The following C6orf132 variants were observed in gnomAD, a reference collection of about 807,000 sequenced individuals.
C6orf132 encodes uncharacterized protein C6orf132.
In C6orf132, 43 loss-of-function variants were observed where a neutral mutation model predicts 65.3. The ratio of observed to expected loss-of-function variants is 0.66; its 90% CI spans 0.52 to 0.85. The LOEUF is 0.85. C6orf132 is among the 40% of genes least tolerant of loss of function. C6orf132 has a pLI of 0.00. For missense variants in C6orf132, 1,488 were observed against 1,548.8 expected (o/e 0.96, Z 0.66); for synonymous variants, 631 against 654.1 (o/e 0.96, Z 0.54).
chr6:42,140,444 G>T (rs1054448395), intron 1 of C6orf132, among the ~76,000 whole-genome samples: 1 of 152,214 alleles, frequency 6.6e-6, no homozygotes. Flanking sequence ...TGCCCCTCAA[G>T]TAAACTTGGA....
intron 2 of C6orf132, among the ~76,000 whole-genome samples, chr6:42,128,063 T>A (rs1051905498): frequency 3.3e-5 from 5 of 151,468 alleles, no homozygotes; most frequent in Admixed American, 6.6e-5. Context: ...TAGCTGGGAC[T>A]ACAGGTGCTT....
chr6:42,112,971 T>C (rs4128271), intron 2 of C6orf132, among the ~76,000 whole-genome samples: 14,346 of 151,748 alleles, frequency 0.095, 887 homozygotes, highest in Middle Eastern at 0.19. Flanking sequence ...CCTTGAGCCA[T>C]CAACTTGTCT....
chr6:42,137,724 C>T (rs1048331985), intron 1 of C6orf132, among the ~76,000 whole-genome samples: 1 of 151,832 alleles, frequency 6.6e-6, no homozygotes, highest in African/African-American at 2.4e-5. Flanking sequence ...CAAAACAATT[C>T]CCCTGGAGCT....
rs149108130 is a variant in C6orf132, at chr6:42,125,458, C to T, written c.252+3214G>A. ...GCATACGGTGGCCACGATCACAGGC[C>T]GTGCCACTGGATGGGGTTGGCAAGT... On this transcript the variant is annotated intron_variant, in intron 2 of 4. Coordinates refer to ENST00000341865, the MANE Select transcript of C6orf132 (RefSeq NM_001164446.3). Among the ~76,000 whole-genome samples, 466 of 152,254 alleles carry T rather than the reference C, an allele frequency of 3.1e-3. 2 individuals carry two copies. The highest frequency in any genetic ancestry group is 0.01 in the African/African-American group (428 of 41,546).
chr6:42,120,422 A>G (rs998758788), intron 2 of C6orf132, among the ~76,000 whole-genome samples: 3 of 151,506 alleles, frequency 2.0e-5, no homozygotes, highest in Admixed American at 6.6e-5. Context: ...AATTTTTTGT[A>G]TTTTTAGTAG....
At position 42,107,013 on chromosome 6, in the gene C6orf132, C is replaced by T. The variant is rs186000416; in HGVS notation, c.899G>A (p.Arg300His). Residue 300 changes from arginine to histidine, a missense_variant, in exon 4 of 5, where the codon CGT (arginine) becomes CAT (histidine). Transcript: ENST00000341865. ...GGTTGGGGGAGGCACTTTGAAAGAA[C>T]GGGGGAAGGTGAGATGGGGCTCTGG... Reference protein sequence around the residue: ...PNPEPHLTFPRSFKVPPPTPV... With the variant: ...PNPEPHLTFPHSFKVPPPTPV... 3.1e-4 allele frequency: 474 copies of T among 1,528,558 alleles called. 1 individual carries two copies. In the African/African-American group the frequency reaches 4.8e-3, roughly 16 times the overall value. The allele number at this position is 1,528,558 out of a possible 1,614,324, so 94.7% of individuals were successfully genotyped here. A position where few individuals can be genotyped will look rare whatever the true frequency, so the allele number is the denominator to read the frequency against.
At chr6:42,129,634 G>A (rs1296086838) in intron 1 of C6orf132, among the ~76,000 whole-genome samples, 2 of 152,134 alleles carry the variant, frequency 1.3e-5, no homozygotes, top group Non-Finnish European at 2.9e-5. Context: ...GATGTGAGGG[G>A]CTACTCACAT....
In C6orf132 at chr6:42,119,506, G is replaced by A. The variant is rs1238768367; in HGVS notation, c.252+9166C>T. On this transcript the variant is annotated intron_variant, in intron 2 of 4. Transcript: ENST00000341865. Reference sequence around the variant, plus strand: ...ACCACAGGCGCGTACCACCACACCTGGCTCATTTTTTTGTATTTTAAATAC... The same window carrying A: ...ACCACAGGCGCGTACCACCACACCTAGCTCATTTTTTTGTATTTTAAATAC... Among the ~76,000 whole-genome samples, 5 of 151,322 alleles carry A rather than the reference G, an allele frequency of 3.3e-5. No homozygotes were observed. In the East Asian group the frequency reaches 1.0e-3, roughly 31 times the overall value.
chr6:42,120,626 G>T (rs902975640), intron 2 of C6orf132, among the ~76,000 whole-genome samples: 44 of 148,436 alleles, frequency 3.0e-4, no homozygotes, highest in Non-Finnish European at 4.9e-4. Context: ...GTTTTTTGGG[G>T]TTTTTTGTTT....
rs1212637682 is a variant in C6orf132 at position 42,104,881 on chromosome 6, A to G, written c.3031T>C (p.Ser1011Pro). ...PALQYLGRQS[S>P]PPRNNYSDLR... ...TCTGAGTAGTTGTTCCGGGGAGGGG[A>G]GCTCTGGCGGCCCAGATACTGGAGG... Residue 1011 changes from serine (S) to proline (P), a missense_variant, in exon 4 of 5, where the codon TCC becomes CCC. Physicochemically the swap from Ser to Pro is moderately conservative, Grantham distance 74. Transcript: ENST00000341865. The surrounding 1 kb of genome is among the most constrained non-coding windows in gnomAD (Gnocchi z 4.1). 2 of 1,447,634 alleles carry G rather than the reference A, an allele frequency of 1.4e-6. No individual in the cohort carries two copies. Among genetic ancestry groups the G allele is most frequent in the African/African-American group, 1.4e-5 (1 of 69,884 alleles). 89.7% of individuals were successfully genotyped at this position (1,447,634 alleles called of 1,614,324 possible).
Position 42,110,258 on chromosome 6 carries a change from T to G in C6orf132, c.286A>C (p.Thr96Pro). The change falls in exon 3 of 5, where the codon ACC (threonine) becomes CCC (proline). Residue 96 changes from threonine (T) to proline (P), a missense_variant. Transcript: ENST00000341865. ...GCAAAATCATCTGGAACCGAGGGGG[T>G]GGGCACAGCCAGCCCATGGTTTTCC... Reference protein sequence around the residue: ...AQENHGLAVPTPSVPDDFADK... With the variant: ...AQENHGLAVPPPSVPDDFADK... The G allele has an allele frequency of 6.5e-7, 1 of 1,547,840 alleles. No homozygotes were observed. The highest frequency in any genetic ancestry group is 8.7e-7 in the Non-Finnish European group (1 of 1,145,590).
intron 2 of C6orf132, among the ~76,000 whole-genome samples, chr6:42,127,186 C>T (rs1217601867): frequency 2.0e-5 from 3 of 152,152 alleles, no homozygotes; most frequent in Non-Finnish European, 2.9e-5. Flanking sequence ...AACTCCTGGC[C>T]TCAAGTGATC....
rs1207509767 is a variant in C6orf132 at position 42,128,731 on chromosome 6, C to G, written c.193G>C (p.Gly65Arg). The G allele has an allele frequency of 6.4e-7, 1 of 1,551,482 alleles. No homozygotes were observed. The highest frequency in any genetic ancestry group is 8.7e-7 in the Non-Finnish European group (1 of 1,146,990). The change falls in exon 2 of 5, where the codon GGA becomes CGA. Residue 65 changes from glycine to arginine, a missense_variant. Gly to Arg is a moderately radical substitution (Grantham distance 125). Transcript: ENST00000341865. ...GGCCGAGCTTTCAGCGTGGCTGTTC[C>G]TGACTCGCTCACTGTGTTAAACCGA... ...DNRFNTVSES[G>R]TATLKARPRV...
At position 42,103,049 on chromosome 6, in the gene C6orf132, G is replaced by A. The variant is rs900029574; in HGVS notation, c.*712C>T. The A allele has an allele frequency of 5.0e-6, 2 of 398,540 alleles. No individual in the cohort carries two copies. The highest frequency in any genetic ancestry group is 4.1e-5 in the African/African-American group (2 of 48,606). The allele number at this position is 398,540 out of a possible 1,614,324, so 24.7% of individuals were successfully genotyped here. On this transcript the variant is annotated 3_prime_UTR_variant, in exon 5 of 5. Transcript: ENST00000341865. ...AAGTGTCCTCTCTCTAGGCCTCCCT[G>A]TAGCTAAGGGCTAGGGCCAAGGAAA...
At chr6:42,133,732 C>A (rs1436809705) in intron 1 of C6orf132, among the ~76,000 whole-genome samples, 1 of 150,264 alleles carries the variant, frequency 6.7e-6, no homozygotes, top group East Asian at 2.0e-4. Context: ...AAATTTCCCC[C>A]CAAATGGAAT....
intron 2 of C6orf132, among the ~76,000 whole-genome samples, chr6:42,126,045 G>A (rs1036214452): frequency 2.6e-5 from 4 of 152,124 alleles, no homozygotes; most frequent in Admixed American, 6.5e-5. Flanking sequence ...GGCAACATCC[G>A]TTTCTACTGT....
At chr6:42,112,288 T>C (rs1258041933) in intron 2 of C6orf132, among the ~76,000 whole-genome samples, 1 of 152,230 alleles carries the variant, frequency 6.6e-6, no homozygotes, top group East Asian at 1.9e-4. Flanking sequence ...AACCCAGGTC[T>C]GTGGAGCTCC....
intron 2 of C6orf132, among the ~76,000 whole-genome samples, chr6:42,114,226 C>G (rs901148339): frequency 6.6e-6 from 1 of 152,192 alleles, no homozygotes; most frequent in Non-Finnish European, 1.5e-5. Context: ...CTTCTTAGGT[C>G]CCTATTCTGA....
rs745546889 is a variant in C6orf132, at chr6:42,112,112, T to C, written c.253-1821A>G. 2.6e-5 allele frequency among the ~76,000 whole-genome samples: 4 copies of C among 152,326 alleles called. No homozygotes were observed. In the South Asian group the frequency reaches 6.2e-4, roughly 24 times the overall value. On this transcript the variant is annotated intron_variant, in intron 2 of 4. Coordinates refer to ENST00000341865, the MANE Select transcript of C6orf132 (RefSeq NM_001164446.3). ...ACCTGTCATTCCCACTCTCCATTTA[T>C]AACAATAATCATAGTCATAATACTC...
Sources: allele counts gnomAD v4.1 joint callset (sites outside exome capture counted in the v4.1 genomes callset), GRCh38; gene constraint gnomAD v4.1.1; non-coding constraint Gnocchi (gnomAD v3.1); transcripts MANE v1.5; gene names NCBI Gene and HGNC (gene_info 2026-07-23, HGNC 2026-07-21).